The following CDH4 variants were observed in gnomAD, a reference collection of about 807,000 sequenced individuals.
CDH4 encodes cadherin 4, also known as cadherin-4.
CDH4 carries 33 observed loss-of-function variants against 86.0 expected under a neutral mutation model. The observed-to-expected ratio is 0.38, with a 90% CI of 0.29 to 0.51. CDH4 has a LOEUF of 0.51. Among genes scored for constraint, CDH4 ranks in the 20% least tolerant of loss-of-function variants. The pLI is 0.86. For synonymous variants in CDH4, 555 were observed against 549.4 expected, an observed-to-expected ratio of 1.01 and a Z score of -0.14; for missense variants, 1,114 against 1,307.4, an observed-to-expected ratio of 0.85 and a Z score of 2.28.
At chr20:61,311,613 G>A (rs1478919709) in intron 2 of CDH4, among the ~76,000 whole-genome samples, 3 of 152,200 alleles carry the variant, frequency 2.0e-5, no homozygotes, top group African/African-American at 7.2e-5. Context: ...TACCAATTAA[G>A]CAAAGTTTGT....
intron 2 of CDH4, among the ~76,000 whole-genome samples, chr20:61,566,289 C>A (rs536180925): frequency 2.6e-5 from 4 of 152,220 alleles, no homozygotes; most frequent in African/African-American, 9.6e-5. Flanking sequence ...AAGTGTTTCT[C>A]GCCTTTCCGT....
At chr20:61,558,867 G>A (rs1033413269) in intron 2 of CDH4, among the ~76,000 whole-genome samples, 18 of 152,246 alleles carry the variant, frequency 1.2e-4, no homozygotes, top group African/African-American at 4.1e-4. Context: ...GGTCCCCGTG[G>A]CGAGCACCGT....
At chr20:61,761,765 G>A (rs1356273623) in intron 3 of CDH4, among the ~76,000 whole-genome samples, 2 of 152,166 alleles carry the variant, frequency 1.3e-5, no homozygotes, top group Admixed American at 6.5e-5. Context: ...GCAGGGCTCC[G>A]GGACCTACAT....
intron 2 of CDH4, among the ~76,000 whole-genome samples, chr20:61,561,026 C>G (rs1319594716): frequency 1.3e-5 from 2 of 152,180 alleles, no homozygotes; most frequent in Non-Finnish European, 2.9e-5. Flanking sequence ...TGATTATGCC[C>G]CGGGCCCAGG....
chr20:61,582,628 G>A lies in CDH4; in HGVS notation c.170-160935G>A, dbSNP rs1456195479. 6.6e-6 allele frequency among the ~76,000 whole-genome samples: 1 copy of A among 152,172 alleles called. No homozygotes were observed. Among genetic ancestry groups the A allele is most frequent in the Non-Finnish European group, 1.5e-5 (1 of 68,038 alleles). On this transcript the variant is annotated intron_variant, in intron 2 of 15. Coordinates refer to ENST00000614565, the MANE Select transcript of CDH4 (RefSeq NM_001794.5). The surrounding 1 kb of genome is among the most constrained non-coding windows in gnomAD (Gnocchi z 4.2). Reference sequence around the variant, plus strand: ...GCTTCTTCCGTCCCCTGCAGGGCCTGGTGCGGTGGAGCCCAGGCAGTGCTC... The same window carrying A: ...GCTTCTTCCGTCCCCTGCAGGGCCTAGTGCGGTGGAGCCCAGGCAGTGCTC...
At chr20:61,606,553 C>T (rs571489187) in intron 2 of CDH4, among the ~76,000 whole-genome samples, 3 of 152,248 alleles carry the variant, frequency 2.0e-5, no homozygotes, top group East Asian at 1.9e-4. Context: ...CTCCCAGTTC[C>T]TCTGCATATC....
At chr20:61,259,615 C>G (rs1049441123) in intron 2 of CDH4, among the ~76,000 whole-genome samples, 1 of 152,064 alleles carries the variant, frequency 6.6e-6, no homozygotes, top group African/African-American at 2.4e-5. Context: ...GATAAGCCAA[C>G]CACATATGCC....
chr20:61,854,319 C>T lies in CDH4; in HGVS notation c.877+1421C>T, dbSNP rs370939921. ...TCACACCTGCTCGTGGAGGTGGCTGCGTGGGCGGTCCCTGGGCTATAGTGT... is the reference window on the plus strand; with the variant it reads ...TCACACCTGCTCGTGGAGGTGGCTGTGTGGGCGGTCCCTGGGCTATAGTGT... On this transcript the variant is annotated intron_variant, in intron 6 of 15. Transcript: ENST00000614565. 2.2e-4 allele frequency among the ~76,000 whole-genome samples: 33 copies of T among 152,314 alleles called. No individual in the cohort carries two copies. The East Asian group carries it at 4.4e-3, about 20-fold the overall frequency.
At chr20:61,923,737 G>A (rs1388858787) in intron 10 of CDH4, 33 bp downstream of exon 10, 1 of 1,605,028 alleles carries the variant, frequency 6.2e-7, no homozygotes, top group Admixed American at 1.7e-5. Context: ...GTCCCTGCCT[G>A]CAGCTTCCCA....
chr20:61,609,341 T>TTGC (rs1429004803), intron 2 of CDH4, among the ~76,000 whole-genome samples: 3 of 152,142 alleles, frequency 2.0e-5, no homozygotes, highest in African/African-American at 7.2e-5. Flanking sequence ...CGGGCAGCCT[T>TTGC]TGCTTGGTGC....
intron 2 of CDH4, among the ~76,000 whole-genome samples, chr20:61,649,495 G>A (rs1459567855): frequency 6.6e-6 from 1 of 152,156 alleles, no homozygotes; most frequent in African/African-American, 2.4e-5. Flanking sequence ...CCAGGTCACC[G>A]CTTATCAGTT....
intron 2 of CDH4, among the ~76,000 whole-genome samples, chr20:61,581,927 G>A (rs1237605758): frequency 6.6e-6 from 1 of 152,134 alleles, no homozygotes; most frequent in African/African-American, 2.4e-5. Flanking sequence ...TGAGCCACAG[G>A]CACCTCCTCG....
intron 2 of CDH4, among the ~76,000 whole-genome samples, chr20:61,346,947 T>G (rs2084682631): frequency 6.6e-6 from 1 of 152,098 alleles, no homozygotes; most frequent in Non-Finnish European, 1.5e-5. Context: ...CAGTTCTGCT[T>G]GCTCCCCTGC....
chr20:61,365,676 C>T (rs79630687), intron 2 of CDH4, among the ~76,000 whole-genome samples: 1,615 of 152,214 alleles, frequency 0.011, 12 homozygotes, highest in Admixed American at 0.016. Flanking sequence ...AGATGAGCTA[C>T]TCATTGACGC....
At chr20:61,579,139 G>A (rs2086406321) in intron 2 of CDH4, among the ~76,000 whole-genome samples, 1 of 152,046 alleles carries the variant, frequency 6.6e-6, no homozygotes, top group African/African-American at 2.4e-5. Context: ...GGAAATCCAG[G>A]GTCCCAAATG....
chr20:61,799,122 T>C (rs1037765688), intron 4 of CDH4, among the ~76,000 whole-genome samples: 8 of 152,220 alleles, frequency 5.3e-5, no homozygotes, highest in African/African-American at 1.9e-4. Flanking sequence ...TCATCAACTG[T>C]TACTTGTAAT....
At chr20:61,543,841 G>A (rs1246010561) in intron 2 of CDH4, among the ~76,000 whole-genome samples, 1 of 152,212 alleles carries the variant, frequency 6.6e-6, no homozygotes, top group Non-Finnish European at 1.5e-5. Flanking sequence ...GTGGACCAAG[G>A]CTGTTGACCT....
intron 2 of CDH4, among the ~76,000 whole-genome samples, chr20:61,612,083 A>G (rs2086689739): frequency 6.6e-6 from 1 of 152,068 alleles, no homozygotes; most frequent in African/African-American, 2.4e-5. Flanking sequence ...CAATTATGGA[A>G]TTTAAAAATT....
At chr20:61,382,178 A>G (rs1451528311) in intron 2 of CDH4, among the ~76,000 whole-genome samples, 2 of 152,236 alleles carry the variant, frequency 1.3e-5, no homozygotes, top group African/African-American at 4.8e-5. Flanking sequence ...GTTTCATTTA[A>G]CTAGAGGCTT....
Sources: allele counts gnomAD v4.1 joint callset (sites outside exome capture counted in the v4.1 genomes callset), GRCh38; gene constraint gnomAD v4.1.1; non-coding constraint Gnocchi (gnomAD v3.1); transcripts MANE v1.5; gene names NCBI Gene and HGNC (gene_info 2026-07-23, HGNC 2026-07-21).